ACSS1: variants seen among roughly 807,000 people sequenced by gnomAD.
The protein encoded by ACSS1 is acetyl-coenzyme A synthetase 2-like, mitochondrial.
ACSS1 carries 42 observed loss-of-function variants against 75.3 expected under a neutral mutation model. The ratio of observed to expected loss-of-function variants is 0.56; its 90% CI spans 0.44 to 0.72. The LOEUF (loss-of-function observed/expected upper bound fraction) is 0.72, where lower values mean the gene tolerates loss of function less well. Among genes scored for constraint, ACSS1 ranks in the 30% least tolerant of loss-of-function variants. The probability of loss-of-function intolerance (pLI) is 0.00; values close to 1 mark genes in which losing one functional copy is unlikely to be tolerated. For synonymous variants in ACSS1, 380 were observed against 376.8 expected (o/e 1.01, Z -0.10); for missense variants, 782 against 935.7 (o/e 0.84, Z 2.14).
intron 8 of ACSS1, among the ~76,000 whole-genome samples, chr20:25,014,917 C>T (rs1487018434): frequency 2.0e-5 from 3 of 152,204 alleles, no homozygotes; most frequent in Non-Finnish European, 4.4e-5. Flanking sequence ...AGGAGGAAAC[C>T]GAGCCTCAGA....
intron 2 of ACSS1, among the ~76,000 whole-genome samples, chr20:25,037,028 G>GGAAGGAAGGAAGGAAGGAAGGAAGGAAT (rs975830814): frequency 6.7e-6 from 1 of 149,296 alleles, no homozygotes; most frequent in Non-Finnish European, 1.5e-5. Flanking sequence ...AAGGAAGGAA[G>GGAAGGAAGGAAGGAAGGAAGGAAGGAAT]GAAAGAAAGA....
rs113598729 is a variant in ACSS1 at position 25,048,140 on chromosome 20, C to T, written c.376G>A (p.Val126Ile). 5.7e-5 allele frequency: 92 copies of T among 1,613,690 alleles called. No homozygotes were observed. Among genetic ancestry groups the T allele is most frequent in the African/African-American group, 4.4e-4 (33 of 75,018 alleles). ...TCATCGCGCTCCCAGATCAAAGCAA[C>T]GCTCTCGGGGGACTTCCGAACATGC... ...DQHVRKSPES[V>I]ALIWERDEPG... Residue 126 changes from valine (V) to isoleucine (I), a missense_variant, in exon 2 of 14, where the codon GTT (valine) becomes ATT (isoleucine). Val to Ile is a conservative substitution (Grantham distance 29). Transcript: ENST00000323482.
At chr20:25,015,085 T>C in intron 8 of ACSS1, 53 bp downstream of exon 8, 3 of 1,521,252 alleles carry the variant, frequency 2.0e-6, no homozygotes, top group Non-Finnish European at 1.8e-6. Context: ...GCCTCACACC[T>C]GACCCTGCAG....
Position 25,007,555 on chromosome 20 carries a change from G to T in ACSS1, c.*207C>A. The T allele has an allele frequency of 7.1e-7, 1 of 1,409,562 alleles. No homozygotes were observed. Among genetic ancestry groups the T allele is most frequent in the Non-Finnish European group, 9.2e-7 (1 of 1,084,786 alleles). 87.3% of individuals were successfully genotyped at this position (1,409,562 alleles called of 1,614,324 possible). On this transcript the variant is annotated 3_prime_UTR_variant, in exon 14 of 14. Coordinates refer to ENST00000323482, the MANE Select transcript of ACSS1 (RefSeq NM_032501.4). ...GAACCAGCCCTAGCCATGTCGCATAGCCTCTCCATGGGTGACACTCCTGGG... is the reference window on the plus strand; with the variant it reads ...GAACCAGCCCTAGCCATGTCGCATATCCTCTCCATGGGTGACACTCCTGGG...
intron 1 of ACSS1, among the ~76,000 whole-genome samples, chr20:25,053,118 C>T (rs1041364512): frequency 4.3e-5 from 6 of 140,272 alleles, no homozygotes; most frequent in East Asian, 2.1e-4. Context: ...GGCTAGAGTG[C>T]GCTGGCGTGA....
intron 2 of ACSS1, among the ~76,000 whole-genome samples, chr20:25,044,704 C>T (rs2089057944): frequency 6.6e-6 from 1 of 152,358 alleles, no homozygotes; most frequent in Non-Finnish European, 1.5e-5. Context: ...TCCCAGAGTG[C>T]TGCCTGGCCC....
intron 3 of ACSS1, among the ~76,000 whole-genome samples, chr20:25,024,152 C>T (rs142524640): frequency 2.6e-3 from 394 of 152,294 alleles, no homozygotes; most frequent in African/African-American, 9.1e-3. Context: ...TCAGAAACCA[C>T]ACCCCAGTGG....
At chr20:25,039,281 C>T (rs1237208030) in intron 2 of ACSS1, among the ~76,000 whole-genome samples, 1 of 152,214 alleles carries the variant, frequency 6.6e-6, no homozygotes, top group Non-Finnish European at 1.5e-5. Flanking sequence ...GGCCCAGCTC[C>T]AGGGGCCTTG....
chr20:25,046,429 C>T, intron 2 of ACSS1: 1 of 262,746 alleles, frequency 3.8e-6, no homozygotes, highest in Non-Finnish European at 7.5e-6. Flanking sequence ...TTAGCACACA[C>T]TCAGTGCTCC....
chr20:25,032,044 CG>C (rs1049517836), intron 2 of ACSS1, among the ~76,000 whole-genome samples: 1 of 152,150 alleles, frequency 6.6e-6, no homozygotes, highest in Non-Finnish European at 1.5e-5. Context: ...ACAGCACTGG[CG>C]GGTAGAGCAA....
chr20:25,030,323 C>A (rs1355156876), intron 3 of ACSS1, among the ~76,000 whole-genome samples: 1 of 152,188 alleles, frequency 6.6e-6, no homozygotes, highest in Admixed American at 6.5e-5. Context: ...GACAGAAAGA[C>A]CCCCTTCACC....
intron 2 of ACSS1, among the ~76,000 whole-genome samples, chr20:25,037,946 C>T (rs1462568519): frequency 6.6e-6 from 1 of 152,222 alleles, no homozygotes; most frequent in East Asian, 1.9e-4. Context: ...GCTAGCAGGG[C>T]TCATAAACCA....
chr20:25,048,993 G>A (rs956056670), intron 1 of ACSS1, among the ~76,000 whole-genome samples: 2 of 152,162 alleles, frequency 1.3e-5, no homozygotes, highest in Non-Finnish European at 2.9e-5. Context: ...GGTATGCAGG[G>A]ACATGAGCCC....
chr20:25,043,722 G>A (rs2089041157), intron 2 of ACSS1, among the ~76,000 whole-genome samples: 1 of 152,204 alleles, frequency 6.6e-6, no homozygotes, highest in Admixed American at 6.5e-5. Context: ...ACAGCTCCCA[G>A]AGTGGCACAC....
At chr20:25,029,741 G>A (rs1484933705) in intron 3 of ACSS1, among the ~76,000 whole-genome samples, 1 of 152,086 alleles carries the variant, frequency 6.6e-6, no homozygotes, top group Non-Finnish European at 1.5e-5. Context: ...AAAACTTCAG[G>A]TACTAGATAC....
rs1349439550 is a variant in ACSS1, at chr20:25,006,558, A to G, written c.*1204T>C. 1 of 339,276 alleles carries G rather than the reference A, an allele frequency of 2.9e-6. No homozygotes were observed. The highest frequency in any genetic ancestry group is 5.5e-6 in the Non-Finnish European group (1 of 181,052). 21.0% of individuals were successfully genotyped at this position (339,276 alleles called of 1,614,324 possible). Reference sequence around the variant, plus strand: ...CCCCCCGAACACTGGCACTGCCACAAGGCCCTGAAGGGTAGACTGTGGGGC... The same window carrying G: ...CCCCCCGAACACTGGCACTGCCACAGGGCCCTGAAGGGTAGACTGTGGGGC... On this transcript the variant is annotated 3_prime_UTR_variant, in exon 14 of 14. Transcript: ENST00000323482.
intron 6 of ACSS1, among the ~76,000 whole-genome samples, chr20:25,020,912 C>T (rs935075178): frequency 4.9e-4 from 75 of 152,236 alleles, no homozygotes; most frequent in Non-Finnish European, 2.4e-4. Context: ...CCCAAGGGAG[C>T]CAGTCATCAC....
chr20:25,020,619 C>T lies in ACSS1; in HGVS notation c.1109-472G>A, dbSNP rs539249481. Among the ~76,000 whole-genome samples the T allele has an allele frequency of 2.6e-5, 4 of 152,360 alleles. No homozygotes were observed. The East Asian group carries it at 5.8e-4, about 22-fold the overall frequency. On this transcript the variant is annotated intron_variant, in intron 6 of 13. Coordinates refer to ENST00000323482, the MANE Select transcript of ACSS1 (RefSeq NM_032501.4). ...GGTTCCTGTAAACCCACTACCCACACCATCCCCTCCACATGGAACACTGAG... is the reference window on the plus strand; with the variant it reads ...GGTTCCTGTAAACCCACTACCCACATCATCCCCTCCACATGGAACACTGAG...
chr20:25,051,835 A>G (rs1040357183), intron 1 of ACSS1, among the ~76,000 whole-genome samples: 2 of 152,198 alleles, frequency 1.3e-5, no homozygotes, highest in Admixed American at 6.5e-5. Flanking sequence ...ATATCATTTA[A>G]TCCAAGCCCA....
Sources: allele counts gnomAD v4.1 joint callset (sites outside exome capture counted in the v4.1 genomes callset), GRCh38; gene constraint gnomAD v4.1.1; transcripts MANE v1.5; gene names NCBI Gene and HGNC (gene_info 2026-07-23, HGNC 2026-07-21).